The following PIK3C2G variants were observed in gnomAD, a reference collection of about 807,000 sequenced individuals.
PIK3C2G encodes the protein phosphatidylinositol 3-kinase C2 domain-containing subunit gamma.
PIK3C2G carries 168 observed loss-of-function variants against 181.1 expected under a neutral mutation model. That is an observed-to-expected ratio of 0.93 (90% confidence interval 0.82 to 1.05). The LOEUF is 1.05. Among genes scored for constraint, PIK3C2G ranks in the 50% least tolerant of loss-of-function variants. The probability of loss-of-function intolerance (pLI) is 0.00; values close to 1 mark genes in which losing one functional copy is unlikely to be tolerated. For missense variants in PIK3C2G, 1,869 were observed against 1,732.8 expected (o/e 1.08, Z -1.40); for synonymous variants, 573 against 592.2 (o/e 0.97, Z 0.47).
chr12:18,486,928 T>A lies in PIK3C2G; in HGVS notation c.2505-1521T>A, dbSNP rs149613288. 6.6e-3 allele frequency among the ~76,000 whole-genome samples: 999 copies of A among 152,286 alleles called. 12 individuals carry two copies. Among genetic ancestry groups the A allele is most frequent in the African/African-American group, 0.023 (955 of 41,578 alleles). ...ATGCAACATGCATTTGCTTAGAGCTTCCAGTTAATTAATTATGTGGTCCAT... is the reference window on the plus strand; with the variant it reads ...ATGCAACATGCATTTGCTTAGAGCTACCAGTTAATTAATTATGTGGTCCAT... On this transcript the variant is annotated intron_variant, in intron 18 of 32. Coordinates refer to ENST00000538779, the MANE Select transcript of PIK3C2G (RefSeq NM_001288772.2).
At position 18,436,737 on chromosome 12, in the gene PIK3C2G, G is replaced by C. The variant is rs563539240; in HGVS notation, c.2504+12698G>C. 6.2e-4 allele frequency among the ~76,000 whole-genome samples: 94 copies of C among 152,066 alleles called. No individual in the cohort carries two copies. In the South Asian group the frequency reaches 0.019, roughly 31 times the overall value. On this transcript the variant is annotated intron_variant, in intron 18 of 32. Transcript: ENST00000538779. ...TGTATTTTTCTCTTTTAAAAAAATG[G>C]ACTCTCTAGCTCTCTGGAATTGGGT...
chr12:18,370,238 C>A (rs1269937178), intron 12 of PIK3C2G, among the ~76,000 whole-genome samples: 1 of 152,118 alleles, frequency 6.6e-6, no homozygotes, highest in African/African-American at 2.4e-5. Context: ...TACGTATACC[C>A]CATCCAGTCT....
At chr12:18,713,061 A>G in the PIK3C2G span, 2 of 1,560,390 alleles carry the variant, frequency 1.3e-6, no homozygotes, top group East Asian at 4.7e-5. Context: ...AAAATATTCC[A>G]AAGACCATTT....
intron 26 of PIK3C2G, among the ~76,000 whole-genome samples, chr12:18,547,607 T>C (rs965760949): frequency 6.6e-6 from 1 of 151,854 alleles, no homozygotes; most frequent in Non-Finnish European, 1.5e-5. Flanking sequence ...TTGGAAATTA[T>C]ATGATATGAT....
chr12:18,333,711 AC>A, intron 8 of PIK3C2G, among the ~76,000 whole-genome samples: 1 of 152,262 alleles, frequency 6.6e-6, no homozygotes, highest in African/African-American at 2.4e-5. Flanking sequence ...TAACTACTGA[AC>A]CTGGAATGAA....
At chr12:18,390,847 C>T (rs190926663) in intron 14 of PIK3C2G, among the ~76,000 whole-genome samples, 1 of 152,042 alleles carries the variant, frequency 6.6e-6, no homozygotes, top group Non-Finnish European at 1.5e-5. Context: ...ATGGAGAGAC[C>T]ATATATTATT....
At chr12:18,397,646 C>A (rs1943975319) in intron 15 of PIK3C2G, among the ~76,000 whole-genome samples, 1 of 151,938 alleles carries the variant, frequency 6.6e-6, no homozygotes, top group Non-Finnish European at 1.5e-5. Context: ...GAATGTGGTA[C>A]AAATGGAACT....
At chr12:18,341,712 G>T (rs910030029) in intron 9 of PIK3C2G, among the ~76,000 whole-genome samples, 1 of 152,248 alleles carries the variant, frequency 6.6e-6, no homozygotes, top group South Asian at 2.1e-4. Flanking sequence ...AATTTGTGCA[G>T]TAACCAGCTA....
At chr12:18,702,140 C>A in the PIK3C2G span, among the ~76,000 whole-genome samples, 2 of 151,828 alleles carry the variant, frequency 1.3e-5, no homozygotes, top group East Asian at 3.9e-4. Context: ...GTAAACGCTT[C>A]AGCTCATCAT....
intron 18 of PIK3C2G, among the ~76,000 whole-genome samples, chr12:18,432,599 T>A (rs1470690364): frequency 6.6e-6 from 1 of 152,234 alleles, no homozygotes; most frequent in Non-Finnish European, 1.5e-5. Flanking sequence ...AGACTGACTT[T>A]GCTCTAGCCA....
chr12:18,574,014 CTA>C (rs1228372711), intron 29 of PIK3C2G, among the ~76,000 whole-genome samples: 1 of 152,144 alleles, frequency 6.6e-6, no homozygotes, highest in African/African-American at 2.4e-5. Flanking sequence ...CACACGTACT[CTA>C]TATATGCACA....
In PIK3C2G at chr12:18,415,795, G is replaced by A. The variant is rs79519779; in HGVS notation, c.2316-5146G>A. ...TCTTATTGCTGCAAGGGACAAAGTC[G>A]GAGTGATTTGGATATAAGATCAAAT... On this transcript the variant is annotated intron_variant, in intron 16 of 32. Coordinates refer to ENST00000538779, the MANE Select transcript of PIK3C2G (RefSeq NM_001288772.2). 7.5e-3 allele frequency among the ~76,000 whole-genome samples: 1,136 copies of A among 152,260 alleles called. 15 individuals carry two copies. The highest frequency in any genetic ancestry group is 0.026 in the African/African-American group (1,100 of 41,548).
At chr12:18,312,950 G>C (rs1167789745) in intron 5 of PIK3C2G, among the ~76,000 whole-genome samples, 4 of 151,580 alleles carry the variant, frequency 2.6e-5, no homozygotes, top group Non-Finnish European at 4.4e-5. Flanking sequence ...TGGCATTGTT[G>C]GCAACAAGCT....
At chr12:18,586,577 A>AAT (rs1946792014) in intron 29 of PIK3C2G, among the ~76,000 whole-genome samples, 1 of 152,150 alleles carries the variant, frequency 6.6e-6, no homozygotes, top group African/African-American at 2.4e-5. Flanking sequence ...ATCAGTAATA[A>AAT]ATAACCTAGT....
chr12:18,443,627 T>TA (rs1462354107), intron 18 of PIK3C2G, among the ~76,000 whole-genome samples: 1 of 152,046 alleles, frequency 6.6e-6, no homozygotes, highest in Non-Finnish European at 1.5e-5. Context: ...AAATTTTGGT[T>TA]AAAAAAACAA....
intron 32 of PIK3C2G, among the ~76,000 whole-genome samples, chr12:18,644,629 G>A (rs1396179020): frequency 6.6e-6 from 1 of 152,028 alleles, no homozygotes; most frequent in Non-Finnish European, 1.5e-5. Context: ...TGTTATCTGT[G>A]TTATAATATT....
At chr12:18,587,317 C>T (rs1489720261) in intron 29 of PIK3C2G, among the ~76,000 whole-genome samples, 2 of 152,146 alleles carry the variant, frequency 1.3e-5, no homozygotes, top group African/African-American at 4.8e-5. Context: ...CCCATTGTCT[C>T]AGCCCAAAAG....
chr12:18,612,330 A>G lies in PIK3C2G; in HGVS notation c.4182+2701A>G, dbSNP rs538684337. Among the ~76,000 whole-genome samples the G allele has an allele frequency of 6.6e-5, 10 of 152,178 alleles. 1 individual carries two copies. The East Asian group carries it at 1.9e-3, about 29-fold the overall frequency. On this transcript the variant is annotated intron_variant, in intron 31 of 32. Coordinates refer to ENST00000538779, the MANE Select transcript of PIK3C2G (RefSeq NM_001288772.2). ...AAGTCCTATCTGACTCCCAAATTTAAAACTACAACACTGCTCCTCTTTGTT... is the reference window on the plus strand; with the variant it reads ...AAGTCCTATCTGACTCCCAAATTTAGAACTACAACACTGCTCCTCTTTGTT...
intron 14 of PIK3C2G, among the ~76,000 whole-genome samples, chr12:18,389,811 A>G (rs140440617): frequency 6.6e-6 from 1 of 152,312 alleles, no homozygotes; most frequent in African/African-American, 2.4e-5. Flanking sequence ...ATATACACAA[A>G]TAATTTATTA....
Sources: allele counts gnomAD v4.1 joint callset (sites outside exome capture counted in the v4.1 genomes callset), GRCh38; gene constraint gnomAD v4.1.1; transcripts MANE v1.5; gene names NCBI Gene and HGNC (gene_info 2026-07-23, HGNC 2026-07-21).